PTPRM: variants seen among roughly 807,000 people sequenced by gnomAD.
PTPRM encodes protein tyrosine phosphatase receptor type M.
A neutral mutation model predicts 186.7 loss-of-function variants in PTPRM; 47 were observed. That is an observed-to-expected ratio of 0.25 (90% confidence interval 0.20 to 0.32). PTPRM has a LOEUF of 0.32. Among genes scored for constraint, PTPRM ranks in the 10% least tolerant of loss-of-function variants. The pLI, the probability that PTPRM is intolerant of heterozygous loss-of-function variation, is 1.00. For missense variants in PTPRM, 1,494 were observed against 1,865.0 expected (o/e 0.80, Z 3.66); for synonymous variants, 668 against 674.9 (o/e 0.99, Z 0.16).
chr18:7,952,395 A>G (rs2053024560), intron 6 of PTPRM, among the ~76,000 whole-genome samples: 1 of 152,204 alleles, frequency 6.6e-6, no homozygotes, highest in African/African-American at 2.4e-5. Context: ...CCTTTGGGAA[A>G]ATTTGTTGAA....
intron 5 of PTPRM, among the ~76,000 whole-genome samples, chr18:7,932,358 G>C (rs889436660): frequency 1.1e-4 from 16 of 151,988 alleles, no homozygotes; most frequent in Admixed American, 7.9e-4. Flanking sequence ...TCTGAATTTG[G>C]AGCAATCTTC....
At chr18:8,257,521 C>T (rs1165769849) in intron 19 of PTPRM, among the ~76,000 whole-genome samples, 2 of 152,044 alleles carry the variant, frequency 1.3e-5, no homozygotes, top group Non-Finnish European at 2.9e-5. Context: ...AAAGGTAATA[C>T]CCCAAAAAAG....
chr18:7,989,473 A>G (rs976033074), intron 7 of PTPRM, among the ~76,000 whole-genome samples: 1 of 152,202 alleles, frequency 6.6e-6, no homozygotes, highest in Non-Finnish European at 1.5e-5. Flanking sequence ...ACGTGTAAGC[A>G]TAATAAGAAG....
chr18:8,336,482 G>A (rs1055356599), intron 22 of PTPRM, among the ~76,000 whole-genome samples: 29 of 151,532 alleles, frequency 1.9e-4, no homozygotes, highest in African/African-American at 6.5e-4. Context: ...AATCAAGGAG[G>A]TCAAGGCTAC....
At chr18:8,238,654 T>TTTTTTTTTG (rs2094377244) in intron 14 of PTPRM, among the ~76,000 whole-genome samples, 5 of 88,574 alleles carry the variant, frequency 5.6e-5, no homozygotes, top group African/African-American at 2.0e-4. Context: ...TTTGTGTGTT[T>TTTTTTTTTG]TTTTTTTTTT....
intron 2 of PTPRM, among the ~76,000 whole-genome samples, chr18:7,821,701 A>C (rs752142547): frequency 1.3e-5 from 2 of 152,226 alleles, no homozygotes; most frequent in Non-Finnish European, 2.9e-5. Context: ...GTCATTATGA[A>C]GTAAAATAAG....
At chr18:7,883,080 T>C (rs554977028) in intron 2 of PTPRM, among the ~76,000 whole-genome samples, 5 of 152,338 alleles carry the variant, frequency 3.3e-5, no homozygotes, top group South Asian at 2.1e-4. Flanking sequence ...GCTGACTCCA[T>C]CATGCAGAGC....
intron 7 of PTPRM, among the ~76,000 whole-genome samples, chr18:7,982,673 G>A (rs114453645): frequency 1.1e-3 from 161 of 152,176 alleles, no homozygotes; most frequent in African/African-American, 3.8e-3. Flanking sequence ...TTATATGACT[G>A]GCAGTGCAGT....
chr18:7,897,486 C>A (rs1440676346), intron 3 of PTPRM, among the ~76,000 whole-genome samples: 6 of 152,122 alleles, frequency 3.9e-5, no homozygotes, highest in African/African-American at 1.4e-4. Flanking sequence ...CAATACTCTG[C>A]ATTTTGTGCT....
chr18:7,680,869 C>T lies in PTPRM; in HGVS notation c.74-93280C>T, dbSNP rs568114811. ...GTGGGAGTGTTGCTTTTCCTTCCCCCACCCTTGTTCATGCCTGTCTTAGCA... is the reference window on the plus strand; with the variant it reads ...GTGGGAGTGTTGCTTTTCCTTCCCCTACCCTTGTTCATGCCTGTCTTAGCA... On this transcript the variant is annotated intron_variant, in intron 1 of 32. Transcript: ENST00000580170. Among the ~76,000 whole-genome samples, 19 of 152,274 alleles carry T rather than the reference C, an allele frequency of 1.2e-4. No homozygotes were observed. In the East Asian group the frequency reaches 3.5e-3, roughly 28 times the overall value.
chr18:8,245,294 G>A (rs570462525), intron 15 of PTPRM, among the ~76,000 whole-genome samples: 20 of 152,204 alleles, frequency 1.3e-4, no homozygotes, highest in African/African-American at 4.6e-4. Context: ...TGTAGCGGCT[G>A]CAGTTGTCCC....
In PTPRM at chr18:7,568,080, C is replaced by G. The variant is rs1191545107; in HGVS notation, c.73+189C>G. Reference sequence around the variant, plus strand: ...AGGGGCCGTGGGGCTGGCAGGCACCCAGTCCTCGGGCGGGCGGAGCGGACG... The same window carrying G: ...AGGGGCCGTGGGGCTGGCAGGCACCGAGTCCTCGGGCGGGCGGAGCGGACG... On this transcript the variant is annotated intron_variant, in intron 1 of 32. Coordinates refer to ENST00000580170, the MANE Select transcript of PTPRM (RefSeq NM_001105244.2). This position sits in a 1 kb window ranked among gnomAD's most constrained non-coding sequence, Gnocchi z 5.1. Among the ~76,000 whole-genome samples the G allele has an allele frequency of 6.6e-6, 1 of 151,890 alleles. No homozygotes were observed. Among genetic ancestry groups the G allele is most frequent in the Non-Finnish European group, 1.5e-5 (1 of 67,934 alleles).
At chr18:7,890,160 G>A (rs540555458) in intron 3 of PTPRM, among the ~76,000 whole-genome samples, 1 of 152,174 alleles carries the variant, frequency 6.6e-6, no homozygotes, top group African/African-American at 2.4e-5. Context: ...ACTACGAGGA[G>A]GAATAAAGAG....
intron 7 of PTPRM, among the ~76,000 whole-genome samples, chr18:7,989,814 C>T (rs542759013): frequency 9.8e-5 from 15 of 152,292 alleles, no homozygotes; most frequent in African/African-American, 2.2e-4. Context: ...TCACCTCTCA[C>T]GGGCCTCACC....
chr18:7,746,820 T>C (rs1291065572), intron 1 of PTPRM, among the ~76,000 whole-genome samples: 4 of 152,152 alleles, frequency 2.6e-5, no homozygotes, highest in Non-Finnish European at 5.9e-5. Flanking sequence ...CATTTCTTTT[T>C]ACCAGCCACG....
rs146493583 is a variant in PTPRM at position 8,403,045 on chromosome 18, T to G, written c.4345-3064T>G. The G allele has an allele frequency of 7.9e-5, 12 of 152,252 alleles. No homozygotes were observed. The East Asian group carries it at 2.1e-3, about 27-fold the overall frequency. 9.4% of individuals were successfully genotyped at this position (152,252 alleles called of 1,614,324 possible). ...GAGAAAGCTGGAAGGGAAACTTAAATATGATCCAACCCCCTGTTTTATGAC... is the reference window on the plus strand; with the variant it reads ...GAGAAAGCTGGAAGGGAAACTTAAAGATGATCCAACCCCCTGTTTTATGAC... On this transcript the variant is annotated intron_variant, in intron 32 of 32. Transcript: ENST00000580170.
intron 11 of PTPRM, among the ~76,000 whole-genome samples, chr18:8,089,099 G>A (rs2090580434): frequency 1.3e-5 from 2 of 152,194 alleles, no homozygotes; most frequent in Non-Finnish European, 2.9e-5. Context: ...AAGGAACAAA[G>A]CACTAGTCTG....
intron 2 of PTPRM, among the ~76,000 whole-genome samples, chr18:7,880,981 A>G (rs2048477436): frequency 6.6e-6 from 1 of 152,182 alleles, no homozygotes; most frequent in Admixed American, 6.5e-5. Context: ...GATTTTGCAA[A>G]ATGCAATTGA....
At chr18:7,571,988 G>A (rs1349225662) in intron 1 of PTPRM, among the ~76,000 whole-genome samples, 1 of 152,146 alleles carries the variant, frequency 6.6e-6, no homozygotes. Flanking sequence ...TATAGTCATA[G>A]CATTTTACAT....
Sources: allele counts gnomAD v4.1 joint callset (sites outside exome capture counted in the v4.1 genomes callset), GRCh38; gene constraint gnomAD v4.1.1; non-coding constraint Gnocchi (gnomAD v3.1); transcripts MANE v1.5; gene names NCBI Gene and HGNC (gene_info 2026-07-23, HGNC 2026-07-21).